KIAA0319L: variants seen among roughly 807,000 people sequenced by gnomAD.
The protein encoded by KIAA0319L is dyslexia-associated protein KIAA0319-like protein.
Under a neutral mutation model 120.1 loss-of-function variants are expected in KIAA0319L, and 55 were observed. The ratio of observed to expected loss-of-function variants is 0.46; its 90% CI spans 0.37 to 0.57. The LOEUF is 0.57. Among genes scored for constraint, KIAA0319L ranks in the 20% least tolerant of loss-of-function variants. KIAA0319L has a pLI of 0.00. For synonymous variants in KIAA0319L, 398 were observed against 471.9 expected, an observed-to-expected ratio of 0.84 and a Z score of 2.03; for missense variants, 1,049 against 1,255.3, an observed-to-expected ratio of 0.84 and a Z score of 2.48.
intron 2 of KIAA0319L, among the ~76,000 whole-genome samples, chr1:35,535,096 TAAAAA>T (rs56965473): frequency 1.8e-5 from 1 of 56,330 alleles, no homozygotes; most frequent in Non-Finnish European, 4.1e-5. Flanking sequence ...GACTCCGTCT[TAAAAA>T]AAAAAAAAAA....
intron 2 of KIAA0319L, among the ~76,000 whole-genome samples, chr1:35,534,473 TG>T (rs1192750106): frequency 2.0e-5 from 3 of 152,226 alleles, no homozygotes; most frequent in African/African-American, 7.2e-5. Flanking sequence ...AGTACTTTGC[TG>T]GTTAAGAATG....
intron 2 of KIAA0319L, among the ~76,000 whole-genome samples, chr1:35,508,388 G>A (rs1645288865): frequency 6.6e-6 from 1 of 152,142 alleles, no homozygotes. Context: ...TCTAACGAAA[G>A]CAACTGACAA....
At chr1:35,466,922 T>C (rs112084088) in intron 6 of KIAA0319L, among the ~76,000 whole-genome samples, 120 of 151,994 alleles carry the variant, frequency 7.9e-4, no homozygotes, top group African/African-American at 2.7e-3. Flanking sequence ...CAAAACCCCA[T>C]CTCTACCAAA....
intron 2 of KIAA0319L, among the ~76,000 whole-genome samples, chr1:35,552,790 A>T (rs1453191083): frequency 1.3e-5 from 2 of 152,158 alleles, no homozygotes; most frequent in Non-Finnish European, 2.9e-5. Flanking sequence ...TTAGCCAGGC[A>T]GACGGGTGTA....
intron 2 of KIAA0319L, among the ~76,000 whole-genome samples, chr1:35,550,249 A>C (rs1157775164): frequency 6.6e-6 from 1 of 152,270 alleles, no homozygotes. Context: ...CTAAGTGGTA[A>C]GCGGGAGTGG....
intron 17 of KIAA0319L, 193 bp from the exon 18 acceptor site, chr1:35,443,221 T>C (rs1276043981): frequency 3.4e-6 from 2 of 584,646 alleles, no homozygotes; most frequent in African/African-American, 3.7e-5. Flanking sequence ...AGGAGGCCAC[T>C]AGAAAGACAC....
At position 35,453,566 on chromosome 1, in the gene KIAA0319L, T is replaced by C. The variant is rs1446307808; in HGVS notation, c.1904A>G (p.Glu635Gly). ...TTGTGTCAATACTCACTGTGTTTTTTCCCAGAGATATGAGATAATTTTCTG... is the reference window on the plus strand; with the variant it reads ...TTGTGTCAATACTCACTGTGTTTTTCCCCAGAGATATGAGATAATTTTCTG... ...DDQKIISYLW[E>G]KTQGPDGVQL... is the part of the protein sequence containing the mutation. Residue 635 changes from glutamate to glycine, a missense_variant, in exon 12 of 21, where the codon GAA becomes GGA. Transcript: ENST00000325722. The surrounding 1 kb of genome is among the most constrained non-coding windows in gnomAD (Gnocchi z 4.1). The C allele has an allele frequency of 6.2e-7, 1 of 1,614,100 alleles. No homozygotes were observed. Among genetic ancestry groups the C allele is most frequent in the Non-Finnish European group, 8.5e-7 (1 of 1,179,982 alleles).
At chr1:35,457,800 C>T (rs1642590396) in intron 9 of KIAA0319L, among the ~76,000 whole-genome samples, 2 of 152,220 alleles carry the variant, frequency 1.3e-5, no homozygotes, top group South Asian at 4.1e-4. Context: ...TTTGGTATTA[C>T]AGCCTTTAGG....
chr1:35,475,793 T>C (rs1368192038), intron 4 of KIAA0319L, among the ~76,000 whole-genome samples: 1 of 152,208 alleles, frequency 6.6e-6, no homozygotes, highest in Non-Finnish European at 1.5e-5. Flanking sequence ...TCCCATATCA[T>C]ATTTAAGGAC....
chr1:35,451,923 A>G (rs1431996248), intron 12 of KIAA0319L, 147 bp from the exon 13 acceptor site: 10 of 843,546 alleles, frequency 1.2e-5, no homozygotes, highest in Middle Eastern at 3.7e-4. Flanking sequence ...AAATATTTCA[A>G]TTGGACAAAG....
chr1:35,442,338 T>A lies in KIAA0319L; in HGVS notation c.2780-2A>T, dbSNP rs1437175662. ...TGATAACATATAACACGCTCCACTC[T>A]GCCAAGAAAATCAAAATGGTGAGGG... On this transcript the variant is annotated splice_acceptor_variant, in intron 18 of 20. Transcript: ENST00000325722. LOFTEE classifies it high-confidence loss of function. 1 of 1,612,266 alleles carries A rather than the reference T, an allele frequency of 6.2e-7. No homozygotes were observed. Among genetic ancestry groups the A allele is most frequent in the Non-Finnish European group, 8.5e-7 (1 of 1,178,338 alleles).
chr1:35,508,712 G>A (rs937809244), intron 2 of KIAA0319L, among the ~76,000 whole-genome samples: 2 of 151,928 alleles, frequency 1.3e-5, no homozygotes, highest in Admixed American at 6.6e-5. Flanking sequence ...TAAGAATCTC[G>A]GTAACAGCTA....
intron 20 of KIAA0319L, among the ~76,000 whole-genome samples, chr1:35,436,791 ATCC>A (rs1025476727): frequency 1.7e-4 from 26 of 152,154 alleles, no homozygotes; most frequent in African/African-American, 5.8e-4. Flanking sequence ...GTTACTGTTC[ATCC>A]TCAGCCTAAA....
chr1:35,546,238 G>A (rs1243614832), intron 2 of KIAA0319L, among the ~76,000 whole-genome samples: 1 of 152,134 alleles, frequency 6.6e-6, no homozygotes, highest in Admixed American at 6.5e-5. Flanking sequence ...AAGGGAGTGG[G>A]GGAAAAATAA....
chr1:35,495,144 A>C (rs1339159750), intron 3 of KIAA0319L, among the ~76,000 whole-genome samples: 1 of 152,106 alleles, frequency 6.6e-6, no homozygotes, highest in Non-Finnish European at 1.5e-5. Context: ...AGGACGAGGC[A>C]GGTGGATCAC....
chr1:35,521,746 G>T (rs6675385), intron 2 of KIAA0319L, among the ~76,000 whole-genome samples: 2,113 of 152,108 alleles, frequency 0.014, 21 homozygotes, highest in Non-Finnish European at 0.021. Flanking sequence ...GCCAAGGTGG[G>T]CGGATCACGA....
intron 3 of KIAA0319L, among the ~76,000 whole-genome samples, chr1:35,485,518 G>GAACT (rs1644354602): frequency 6.6e-6 from 1 of 152,196 alleles, no homozygotes; most frequent in African/African-American, 2.4e-5. Flanking sequence ...GTTCCCTTGG[G>GAACT]TCCCTCCTGC....
intron 7 of KIAA0319L, among the ~76,000 whole-genome samples, chr1:35,465,473 C>A (rs1458223675): frequency 6.6e-6 from 1 of 152,224 alleles, no homozygotes; most frequent in African/African-American, 2.4e-5. Flanking sequence ...CAAGCCTGTA[C>A]CCCCATTGTA....
intron 10 of KIAA0319L, among the ~76,000 whole-genome samples, chr1:35,455,425 A>G (rs1642367994): frequency 6.6e-6 from 1 of 152,086 alleles, no homozygotes; most frequent in Admixed American, 6.6e-5. Context: ...GAGAGAAGAT[A>G]CTCACCATCT....
Sources: gnomAD v4.1 joint callset for allele counts (sites outside exome capture counted in the v4.1 genomes callset) on GRCh38, gnomAD v4.1.1 for gene constraint, Gnocchi (gnomAD v3.1) non-coding constraint, MANE v1.5 for transcripts, NCBI Gene and HGNC (gene_info 2026-07-23, HGNC 2026-07-21) for gene names.